Variants in ZNF76 observed in about 807,000 individuals in gnomAD.
ZNF76 encodes zinc finger protein 523.
ZNF76 carries 66 observed loss-of-function variants against 66.9 expected under a neutral mutation model. The ratio of observed to expected loss-of-function variants is 0.99; its 90% CI spans 0.81 to 1.21. The LOEUF (loss-of-function observed/expected upper bound fraction) is 1.21. Among genes scored for constraint, ZNF76 ranks in the 50% most tolerant of loss-of-function variants. The pLI, the probability that ZNF76 is intolerant of heterozygous loss-of-function variation, is 0.00. For missense variants in ZNF76, 729 were observed against 760.3 expected, an observed-to-expected ratio of 0.96 and a Z score of 0.48; for synonymous variants, 275 against 296.1, an observed-to-expected ratio of 0.93 and a Z score of 0.73.
At chr6:35,280,524 C>A (rs960636156) in intron 1 of ZNF76, among the ~76,000 whole-genome samples, 6 of 134,046 alleles carry the variant, frequency 4.5e-5, no homozygotes, top group East Asian at 4.4e-4. Flanking sequence ...GATCCCCCCC[C>A]CCCCCGCCCT....
In ZNF76 at chr6:35,287,509, C is replaced by A; in HGVS notation, c.233-137C>A. 1 of 782,362 alleles carries A rather than the reference C, an allele frequency of 1.3e-6. No homozygotes were observed. Among genetic ancestry groups the A allele is most frequent in the African/African-American group, 1.8e-5 (1 of 57,088 alleles). The allele number at this position is 782,362 out of a possible 1,614,324, so 48.5% of individuals were successfully genotyped here. A position where few individuals can be genotyped will look rare whatever the true frequency, so the allele number is the denominator to read the frequency against. Reference sequence around the variant, plus strand: ...AGAAGGAGGGCCAGCAAGAGTGAATCACAAAGTGAAGGGCCATGAGAAATT... The same window carrying A: ...AGAAGGAGGGCCAGCAAGAGTGAATAACAAAGTGAAGGGCCATGAGAAATT... On this transcript the variant is annotated intron_variant, in intron 4 of 13. Transcript: ENST00000373953. The surrounding 1 kb of genome is among the most constrained non-coding windows in gnomAD (Gnocchi z 4.0).
chr6:35,282,980 C>G (rs1232212770), intron 2 of ZNF76, among the ~76,000 whole-genome samples: 5 of 152,156 alleles, frequency 3.3e-5, no homozygotes, highest in Admixed American at 3.3e-4. Flanking sequence ...ACTTCCCACT[C>G]CAGGTCTTGC....
chr6:35,287,805 G>A lies in ZNF76; in HGVS notation c.392G>A (p.Ser131Asn), dbSNP rs760624974. ...GCAGCAGAGGATGATGAGGGCTTCA[G>A]TGCAGACGCAGTGGTGGCCCTGGAG... ...DLAAEDDEGF[S>N]ADAVVALEQY... is the part of the protein sequence containing the mutation. Residue 131 changes from serine to asparagine, a missense_variant, in exon 5 of 14, where the codon AGT becomes AAT. Coordinates refer to ENST00000373953, the MANE Select transcript of ZNF76 (RefSeq NM_003427.5). The surrounding 1 kb of genome is among the most constrained non-coding windows in gnomAD (Gnocchi z 4.0). 3 of 1,611,058 alleles carry A rather than the reference G, an allele frequency of 1.9e-6. No homozygotes were observed. The Admixed American group carries it at 5.0e-5, about 27-fold the overall frequency.
chr6:35,290,424 C>T (rs776626532), intron 6 of ZNF76, 42 bp downstream of exon 6: 3 of 1,605,384 alleles, frequency 1.9e-6, no homozygotes, highest in African/African-American at 2.7e-5. Flanking sequence ...GCAGTCTTCC[C>T]TCCCAGGCTG....
chr6:35,283,244 C>T (rs781470671), intron 2 of ZNF76, among the ~76,000 whole-genome samples: 4 of 152,186 alleles, frequency 2.6e-5, no homozygotes, highest in Non-Finnish European at 5.9e-5. Flanking sequence ...TTGCAGTGTG[C>T]ACTTACACAC....
At chr6:35,269,798 G>T (rs141545193) in intron 1 of ZNF76, among the ~76,000 whole-genome samples, 22 of 152,330 alleles carry the variant, frequency 1.4e-4, no homozygotes, top group Non-Finnish European at 2.4e-4. Context: ...ACTTCGTCCA[G>T]ACCCACCCTT....
At chr6:35,280,395 G>A (rs550541803) in intron 1 of ZNF76, among the ~76,000 whole-genome samples, 12 of 152,110 alleles carry the variant, frequency 7.9e-5, no homozygotes, top group African/African-American at 2.9e-4. Context: ...ATTGGAAACA[G>A]ACAAAAGTTT....
chr6:35,285,830 T>C (rs1426751776), intron 2 of ZNF76, among the ~76,000 whole-genome samples: 2 of 152,226 alleles, frequency 1.3e-5, no homozygotes, highest in African/African-American at 4.8e-5. Flanking sequence ...ACTATTAGGT[T>C]GGAAGTTTCC....
chr6:35,279,488 C>G (rs1343802612), intron 1 of ZNF76: 1 of 130,088 alleles, frequency 7.7e-6, no homozygotes, highest in Non-Finnish European at 1.5e-5. Flanking sequence ...AGTGCAGTGG[C>G]GCGATCTTGG....
At chr6:35,291,242 T>C in intron 7 of ZNF76, 36 bp from the exon 8 acceptor site, 1 of 1,577,420 alleles carries the variant, frequency 6.3e-7, no homozygotes, top group Non-Finnish European at 8.6e-7. Context: ...CCCCACTGGG[T>C]GCTCATCTCA....
At chr6:35,291,785 C>T in intron 9 of ZNF76, 48 bp downstream of exon 9, 3 of 1,591,758 alleles carry the variant, frequency 1.9e-6, no homozygotes, top group Non-Finnish European at 2.6e-6. Flanking sequence ...GCCCCAACCC[C>T]TCTACTGTAG....
Position 35,286,118 on chromosome 6 carries a change from C to T in ZNF76, c.74-10C>T. 1 of 1,613,738 alleles carries T rather than the reference C, an allele frequency of 6.2e-7. No individual in the cohort carries two copies. The highest frequency in any genetic ancestry group is 8.5e-7 in the Non-Finnish European group (1 of 1,179,646). On this transcript the variant is annotated splice_polypyrimidine_tract_variant and intron_variant, in intron 2 of 13. Transcript: ENST00000373953. Reference sequence around the variant, plus strand: ...CCTGGCCCATTTCTCTCTATTTCCACTCTTAACAGGAGAGAAGCTTCTTGA... The same window carrying T: ...CCTGGCCCATTTCTCTCTATTTCCATTCTTAACAGGAGAGAAGCTTCTTGA...
At chr6:35,268,154 A>G (rs916138953) in intron 1 of ZNF76, among the ~76,000 whole-genome samples, 23 of 152,206 alleles carry the variant, frequency 1.5e-4, no homozygotes, top group African/African-American at 5.3e-4. Flanking sequence ...TTAGGCTGAA[A>G]GGCATGCTCT....
At chr6:35,276,633 A>T (rs1408882841) in intron 1 of ZNF76, among the ~76,000 whole-genome samples, 1 of 152,186 alleles carries the variant, frequency 6.6e-6, no homozygotes, top group Non-Finnish European at 1.5e-5. Context: ...TTTTCCTTAG[A>T]AAGTCCCAGT....
At chr6:35,285,290 G>A (rs1188226380) in intron 2 of ZNF76, among the ~76,000 whole-genome samples, 1 of 152,188 alleles carries the variant, frequency 6.6e-6, no homozygotes, top group African/African-American at 2.4e-5. Flanking sequence ...ACTCAACAGT[G>A]GCAGTGGAAT....
intron 1 of ZNF76, among the ~76,000 whole-genome samples, chr6:35,266,444 C>G (rs1786085742): frequency 1.3e-5 from 2 of 152,120 alleles, no homozygotes; most frequent in African/African-American, 2.4e-5. Context: ...AAATTCCCAT[C>G]TACTGAAATT....
At chr6:35,260,903 A>T (rs1785153049) in intron 1 of ZNF76, among the ~76,000 whole-genome samples, 1 of 151,664 alleles carries the variant, frequency 6.6e-6, no homozygotes, top group South Asian at 2.1e-4. Context: ...CATGAACCTT[A>T]CTCCCTCATT....
At chr6:35,291,949 C>A in intron 9 of ZNF76, 1 of 624,946 alleles carries the variant, frequency 1.6e-6, no homozygotes, top group Non-Finnish European at 2.8e-6. Flanking sequence ...AAAGGTATTG[C>A]CAGTCCTCTC....
rs369337375 is a variant in ZNF76 at position 35,287,630 on chromosome 6, C to T, written c.233-16C>T. On this transcript the variant is annotated splice_polypyrimidine_tract_variant and intron_variant, in intron 4 of 13. Transcript: ENST00000373953. This position sits in a 1 kb window ranked among gnomAD's most constrained non-coding sequence, Gnocchi z 4.0. ...CCCCTTGTGTGGCATCAGGGCTAAC[C>T]GCGTGTTCCCTGCAGAAGGCTATGA... 298 of 1,595,424 alleles carry T rather than the reference C, an allele frequency of 1.9e-4. 1 individual carries two copies. Among genetic ancestry groups the T allele is most frequent in the Admixed American group, 2.9e-4 (17 of 58,690 alleles).
Sources: allele counts gnomAD v4.1 joint callset (sites outside exome capture counted in the v4.1 genomes callset), GRCh38; gene constraint gnomAD v4.1.1; non-coding constraint Gnocchi (gnomAD v3.1); transcripts MANE v1.5; gene names NCBI Gene and HGNC (gene_info 2026-07-23, HGNC 2026-07-21).